The following RYR3 variants were observed in gnomAD, a reference collection of about 807,000 sequenced individuals.
RYR3 encodes the protein brain ryanodine receptor-calcium release channel.
Under a neutral mutation model 584.3 loss-of-function variants are expected in RYR3, and 207 were observed. The observed-to-expected ratio is 0.35, with a 90% confidence interval of 0.32 to 0.40. The LOEUF is 0.40. Among genes scored for constraint, RYR3 ranks in the 10% least tolerant of loss-of-function variants. The probability of loss-of-function intolerance (pLI) is 1.00; values close to 1 mark genes in which losing one functional copy is unlikely to be tolerated. For missense variants in RYR3, 5,616 were observed against 6,089.2 expected (o/e 0.92, Z 2.59); for synonymous variants, 2,416 against 2,248.5 (o/e 1.07, Z -2.11).
At chr15:33,635,888 A>G (rs1290938640) in intron 26 of RYR3, 69 bp downstream of exon 26, 1 of 1,358,254 alleles carries the variant, frequency 7.4e-7, no homozygotes, top group African/African-American at 1.4e-5. Flanking sequence ...TTTTTCTGGA[A>G]GCTCAAATTA....
At chr15:33,571,492 A>G (rs78198633) in intron 12 of RYR3, among the ~76,000 whole-genome samples, 3,417 of 152,202 alleles carry the variant, frequency 0.022, 53 homozygotes, top group Non-Finnish European at 0.036. Flanking sequence ...TTAGGTGCTT[A>G]TATGTTTATA....
chr15:33,755,931 G>T (rs1313232831), intron 58 of RYR3, among the ~76,000 whole-genome samples: 2 of 152,024 alleles, frequency 1.3e-5, no homozygotes, highest in Non-Finnish European at 2.9e-5. Flanking sequence ...CACCACGCCT[G>T]CCTGGCTAAT....
chr15:33,392,777 A>G (rs181300271), intron 1 of RYR3, among the ~76,000 whole-genome samples: 1 of 152,336 alleles, frequency 6.6e-6, no homozygotes, highest in Non-Finnish European at 1.5e-5. Flanking sequence ...CACAGTATCT[A>G]CTATGGTCAG....
chr15:33,319,987 T>C (rs990166452), intron 1 of RYR3, among the ~76,000 whole-genome samples: 1 of 152,184 alleles, frequency 6.6e-6, no homozygotes, highest in Non-Finnish European at 1.5e-5. Context: ...TAAATCAGGC[T>C]TTATTTGCAA....
intron 85 of RYR3, 79 bp downstream of exon 85, chr15:33,827,366 C>T: frequency 7.6e-7 from 1 of 1,316,534 alleles, no homozygotes; most frequent in East Asian, 2.5e-5. Flanking sequence ...GGGTCAGGGA[C>T]AGCCCAGGAT....
intron 12 of RYR3, among the ~76,000 whole-genome samples, chr15:33,570,510 A>G (rs1296022938): frequency 6.6e-6 from 1 of 152,136 alleles, no homozygotes; most frequent in Non-Finnish European, 1.5e-5. Flanking sequence ...GAAATCATGT[A>G]CAGTGAATGC....
intron 75 of RYR3, among the ~76,000 whole-genome samples, chr15:33,818,219 G>A (rs1421704193): frequency 1.3e-5 from 2 of 152,128 alleles, no homozygotes; most frequent in East Asian, 3.9e-4. Context: ...GTGTCTCTGT[G>A]GGGTTTTCCT....
intron 1 of RYR3, among the ~76,000 whole-genome samples, chr15:33,350,943 A>C (rs1022329750): frequency 1.3e-5 from 2 of 152,236 alleles, no homozygotes; most frequent in Non-Finnish European, 2.9e-5. Flanking sequence ...AGACACAAAA[A>C]ACCCTTCAAA....
At chr15:33,476,728 G>T (rs2049414726) in intron 2 of RYR3, among the ~76,000 whole-genome samples, 1 of 152,196 alleles carries the variant, frequency 6.6e-6, no homozygotes, top group Admixed American at 6.5e-5. Context: ...CAAAATGATA[G>T]ATAAATTGTT....
chr15:33,450,442 C>T (rs984271980), intron 1 of RYR3, among the ~76,000 whole-genome samples: 5 of 152,186 alleles, frequency 3.3e-5, no homozygotes, highest in Middle Eastern at 3.4e-3. Flanking sequence ...TTCTGCCGCC[C>T]GCCCTCATCT....
Position 33,756,308 on chromosome 15 carries a change from G to T in RYR3, c.8518G>T (p.Ala2840Ser). Residue 2840 changes from alanine (A) to serine (S), a missense_variant and splice_region_variant, in exon 59 of 104, where the codon GCC becomes TCC. By Grantham distance (99) the Ala-to-Ser change is moderately conservative. Coordinates refer to ENST00000634891, the MANE Select transcript of RYR3 (RefSeq NM_001036.6). Reference sequence around the variant, plus strand: ...TTGTGTTACCTGTGTCTTCGTAGAAGCCATTGTCAGCAGTGGGAAAACTGA... The same window carrying T: ...TTGTGTTACCTGTGTCTTCGTAGAATCCATTGTCAGCAGTGGGAAAACTGA... ...SAQEFIAHLEAIVSSGKTEKS... is the reference protein window; with the variant it reads ...SAQEFIAHLESIVSSGKTEKS... 6.3e-7 allele frequency: 1 copy of T among 1,574,868 alleles called. No homozygotes were observed. The highest frequency in any genetic ancestry group is 8.6e-7 in the Non-Finnish European group (1 of 1,158,970).
At chr15:33,438,744 C>T (rs140835116) in intron 1 of RYR3, among the ~76,000 whole-genome samples, 53 of 152,206 alleles carry the variant, frequency 3.5e-4, no homozygotes, top group Middle Eastern at 3.4e-3. Flanking sequence ...TTCAGGTCTT[C>T]GTCAATGTCT....
intron 1 of RYR3, among the ~76,000 whole-genome samples, chr15:33,378,741 C>A (rs1167450863): frequency 6.6e-6 from 1 of 152,098 alleles, no homozygotes; most frequent in East Asian, 1.9e-4. Context: ...AGGCAGGAGG[C>A]CTGCTTGAGG....
At chr15:33,731,296 A>G (rs1403592191) in intron 47 of RYR3, among the ~76,000 whole-genome samples, 178 bp from the exon 48 acceptor site, 2 of 149,546 alleles carry the variant, frequency 1.3e-5, no homozygotes, top group Non-Finnish European at 1.5e-5. Context: ...ATTTTTTTTC[A>G]TTGAAAATGC....
intron 1 of RYR3, among the ~76,000 whole-genome samples, chr15:33,461,110 AATTTTTTGTATTTTTAGTAGAG>A (rs1169864472): frequency 6.6e-6 from 1 of 151,456 alleles, no homozygotes; most frequent in Non-Finnish European, 1.5e-5. Flanking sequence ...ACGCCCAGCT[AATTTTTTGTATTTTTAGTAGAG>A]ACGGGGTTTC....
Position 33,649,126 on chromosome 15 carries a change from G to T in RYR3, c.4033G>T (p.Val1345Phe). ...FAGQDPSCVW[V>F]GWVTPDYHLY... ...TGGACAGGATCCATCCTGTGTCTGG[G>T]TCGGATGGGTGACTCCAGACTATCA... The change falls in exon 31 of 104, where the codon GTC (valine) becomes TTC (phenylalanine). Residue 1345 changes from valine (V) to phenylalanine (F), a missense_variant. This residue lies in a region of RYR3 where 753 missense variants were observed against 741.0 expected (regional missense o/e 1.02). Coordinates refer to ENST00000634891, the MANE Select transcript of RYR3 (RefSeq NM_001036.6). 8.7e-6 allele frequency: 14 copies of T among 1,613,842 alleles called. No individual in the cohort carries two copies. Among genetic ancestry groups the T allele is most frequent in the Non-Finnish European group, 1.1e-5 (13 of 1,179,842 alleles).
chr15:33,676,026 G>A (rs1282271713), intron 38 of RYR3, among the ~76,000 whole-genome samples: 1 of 152,058 alleles, frequency 6.6e-6, no homozygotes, highest in Non-Finnish European at 1.5e-5. Flanking sequence ...CTGTGGATAT[G>A]TTAGGTTAAA....
intron 27 of RYR3, 125 bp downstream of exon 27, chr15:33,636,675 A>C: frequency 3.7e-6 from 3 of 816,222 alleles, no homozygotes; most frequent in Non-Finnish European, 3.8e-6. Context: ...GAAAACCCTA[A>C]TGGTGAAGAC....
At chr15:33,339,107 A>C (rs1971491253) in intron 1 of RYR3, among the ~76,000 whole-genome samples, 1 of 152,198 alleles carries the variant, frequency 6.6e-6, no homozygotes, top group Non-Finnish European at 1.5e-5. Context: ...GACATTTCAC[A>C]CACAAAGGAA....
Sources: allele counts gnomAD v4.1 joint callset (sites outside exome capture counted in the v4.1 genomes callset), GRCh38; gene constraint gnomAD v4.1.1; regional missense constraint gnomAD v4.1.1; transcripts MANE v1.5; gene names NCBI Gene and HGNC (gene_info 2026-07-23, HGNC 2026-07-21).